Variants in MBNL2 observed in about 807,000 individuals in gnomAD.
MBNL2 encodes muscleblind like splicing regulator 2, also known as muscleblind-like protein 2.
In MBNL2, 17 loss-of-function variants were observed where a neutral mutation model predicts 41.9. The observed-to-expected ratio is 0.41, with a 90% confidence interval of 0.28 to 0.61. The LOEUF (loss-of-function observed/expected upper bound fraction) is 0.61, where lower values mean the gene tolerates loss of function less well. Ranked by LOEUF, MBNL2 falls within the 20% of genes least tolerant of loss-of-function variation. The pLI, the probability that MBNL2 is intolerant of heterozygous loss-of-function variation, is 0.35. For synonymous variants in MBNL2, 195 were observed against 182.9 expected (o/e 1.07, Z -0.53); for missense variants, 336 against 505.6 (o/e 0.66, Z 3.22).
At chr13:97,343,763 C>T (rs1225577489) in intron 4 of MBNL2, among the ~76,000 whole-genome samples, 1 of 152,180 alleles carries the variant, frequency 6.6e-6, no homozygotes, top group Non-Finnish European at 1.5e-5. Context: ...TGTGTTGTTG[C>T]TAAACAGGGG....
At chr13:97,303,519 G>A (rs554444278) in intron 2 of MBNL2, among the ~76,000 whole-genome samples, 2 of 152,198 alleles carry the variant, frequency 1.3e-5, no homozygotes, top group Non-Finnish European at 2.9e-5. Flanking sequence ...CAGCCAGCTA[G>A]CTGCCGGCTC....
intron 3 of MBNL2, among the ~76,000 whole-genome samples, chr13:97,341,966 T>G (rs2061474624): frequency 6.6e-6 from 1 of 152,204 alleles, no homozygotes; most frequent in South Asian, 2.1e-4. Flanking sequence ...AGTTCAGTGT[T>G]AAAAGACTGC....
intron 2 of MBNL2, among the ~76,000 whole-genome samples, chr13:97,289,818 G>C (rs888108937): frequency 2.0e-5 from 3 of 152,176 alleles, no homozygotes; most frequent in Non-Finnish European, 4.4e-5. Flanking sequence ...GACATAGCCA[G>C]CAAGACCTCA....
the MBNL2 span, among the ~76,000 whole-genome samples, chr13:97,154,661 C>A: frequency 6.6e-6 from 1 of 152,096 alleles, no homozygotes; most frequent in Non-Finnish European, 1.5e-5. Context: ...TGATTAAATT[C>A]GTTTGGATGA....
At chr13:97,173,457 C>A in the MBNL2 span, among the ~76,000 whole-genome samples, 1 of 152,200 alleles carries the variant, frequency 6.6e-6, no homozygotes, top group African/African-American at 2.4e-5. Flanking sequence ...GGAGTGAGGT[C>A]CAGCCTAGTG....
At chr13:97,160,911 G>A in the MBNL2 span, among the ~76,000 whole-genome samples, 1 of 152,126 alleles carries the variant, frequency 6.6e-6, no homozygotes, top group African/African-American at 2.4e-5. Context: ...CAATTTTTCA[G>A]TTGAGATAGT....
intron 8 of MBNL2, among the ~76,000 whole-genome samples, chr13:97,374,930 G>C (rs1293979842): frequency 6.6e-6 from 1 of 152,158 alleles, no homozygotes; most frequent in Non-Finnish European, 1.5e-5. Flanking sequence ...ATTTTCAAGG[G>C]ATGAACAACG....
In MBNL2 at chr13:97,226,157, A is replaced by G. The variant is rs538723912; in HGVS notation, c.-605+3626A>G. On this transcript the variant is annotated intron_variant, in intron 1 of 8. Coordinates refer to ENST00000679496, the MANE Select transcript of MBNL2 (RefSeq NM_001382683.1). ...TCCGACTGCACGGCTCCAACTACAC[A>G]GTTGTTTATGGAGACCAGTCCCGGC... Among the ~76,000 whole-genome samples, 3 of 152,258 alleles carry G rather than the reference A, an allele frequency of 2.0e-5. No homozygotes were observed. In the East Asian group the frequency reaches 5.8e-4, roughly 29 times the overall value.
chr13:97,157,395 C>T, the MBNL2 span, among the ~76,000 whole-genome samples: 1 of 142,798 alleles, frequency 7.0e-6, no homozygotes, highest in Admixed American at 7.2e-5. Flanking sequence ...TTTCCTTCTC[C>T]TGCCTAATTG....
the MBNL2 span, among the ~76,000 whole-genome samples, chr13:97,175,814 G>A: frequency 6.7e-6 from 1 of 148,728 alleles, no homozygotes; most frequent in Non-Finnish European, 1.5e-5. Context: ...ACACAGCTAA[G>A]GGGCACTCAG....
chr13:97,264,861 G>T (rs1424075466), intron 1 of MBNL2, among the ~76,000 whole-genome samples: 2 of 152,204 alleles, frequency 1.3e-5, no homozygotes, highest in Non-Finnish European at 2.9e-5. Context: ...GGGAATTCAG[G>T]GCTAGATTTC....
At chr13:97,328,528 G>A (rs894979599) in intron 2 of MBNL2, among the ~76,000 whole-genome samples, 2 of 152,208 alleles carry the variant, frequency 1.3e-5, no homozygotes, top group African/African-American at 4.8e-5. Flanking sequence ...AGGTGGCACT[G>A]AAAGAGGCAA....
intron 5 of MBNL2, among the ~76,000 whole-genome samples, chr13:97,351,055 T>C (rs1439467335): frequency 6.6e-6 from 1 of 152,214 alleles, no homozygotes; most frequent in African/African-American, 2.4e-5. Context: ...AAATAACTCC[T>C]TGATCCATGG....
the MBNL2 span, among the ~76,000 whole-genome samples, chr13:97,163,444 T>C: frequency 6.6e-6 from 1 of 152,088 alleles, no homozygotes; most frequent in Non-Finnish European, 1.5e-5. Flanking sequence ...TCCTCAGCTG[T>C]GGTAGAATTT....
At chr13:97,191,805 G>A in the MBNL2 span, among the ~76,000 whole-genome samples, 3 of 152,200 alleles carry the variant, frequency 2.0e-5, no homozygotes, top group Non-Finnish European at 2.9e-5. Flanking sequence ...GCTTAGGAAG[G>A]GGGAGCCCTC....
intron 2 of MBNL2, among the ~76,000 whole-genome samples, chr13:97,282,322 T>G (rs1013344201): frequency 6.6e-6 from 1 of 151,934 alleles, no homozygotes; most frequent in African/African-American, 2.4e-5. Flanking sequence ...ACCACTGTAC[T>G]CCAGCCTGGG....
At chr13:97,247,190 G>C (rs1463507236) in intron 1 of MBNL2, among the ~76,000 whole-genome samples, 1 of 152,170 alleles carries the variant, frequency 6.6e-6, no homozygotes, top group Non-Finnish European at 1.5e-5. Flanking sequence ...ACTAACACAT[G>C]AAGAGAGCTT....
chr13:97,200,774 C>G, the MBNL2 span, among the ~76,000 whole-genome samples: 329 of 152,206 alleles, frequency 2.2e-3, 3 homozygotes, highest in African/African-American at 7.5e-3. Flanking sequence ...AGGCTTATTG[C>G]ATTGTCGTGG....
chr13:97,278,758 A>AT (rs1175537596), intron 2 of MBNL2, among the ~76,000 whole-genome samples: 1 of 152,220 alleles, frequency 6.6e-6, no homozygotes, highest in African/African-American at 2.4e-5. Flanking sequence ...GCCTCAAGTT[A>AT]TCAGTTCCCT....
Sources: gnomAD v4.1 joint callset for allele counts (sites outside exome capture counted in the v4.1 genomes callset) on GRCh38, gnomAD v4.1.1 for gene constraint, MANE v1.5 for transcripts, NCBI Gene and HGNC (gene_info 2026-07-23, HGNC 2026-07-21) for gene names.